KCNG3: variants seen among roughly 807,000 people sequenced by gnomAD.
The protein encoded by KCNG3 is potassium voltage-gated channel modifier subfamily G member 3.
KCNG3 carries 15 observed loss-of-function variants against 29.0 expected under a neutral mutation model. The observed-to-expected ratio is 0.52, with a 90% CI of 0.35 to 0.80. KCNG3 has a LOEUF of 0.80. Among genes scored for constraint, KCNG3 ranks in the 30% least tolerant of loss-of-function variants. KCNG3 has a pLI of 0.01. For synonymous variants in KCNG3, 322 were observed against 248.9 expected (o/e 1.29, Z -2.76); for missense variants, 512 against 605.7 (o/e 0.85, Z 1.62).
At chr2:42,430,409 A>AATAC in the KCNG3 span, among the ~76,000 whole-genome samples, 1 of 142,234 alleles carries the variant, frequency 7.0e-6, no homozygotes, top group Middle Eastern at 3.6e-3. Flanking sequence ...TAAATAAATA[A>AATAC]ATACGCTAAC....
chr2:42,431,310 C>CT, the KCNG3 span, among the ~76,000 whole-genome samples: 10,122 of 147,734 alleles, frequency 0.069, 1,089 homozygotes, highest in African/African-American at 0.24. Context: ...TCTTTGAAAG[C>CT]TTTTTTTTTT....
chr2:42,397,286 T>G, the KCNG3 span, among the ~76,000 whole-genome samples: 2 of 151,802 alleles, frequency 1.3e-5, no homozygotes, highest in African/African-American at 4.8e-5. Flanking sequence ...GAAAAAACTC[T>G]AATCACGGAA....
chr2:42,430,240 C>T, the KCNG3 span, among the ~76,000 whole-genome samples: 3 of 151,370 alleles, frequency 2.0e-5, no homozygotes, highest in Non-Finnish European at 2.9e-5. Flanking sequence ...TCATGGTGCA[C>T]GCCTGCAGTC....
At chr2:42,468,394 G>A (rs941595828) in intron 1 of KCNG3, among the ~76,000 whole-genome samples, 1 of 151,886 alleles carries the variant, frequency 6.6e-6, no homozygotes, top group African/African-American at 2.4e-5. Context: ...CATAAATTAG[G>A]GACAGTCTAT....
the KCNG3 span, among the ~76,000 whole-genome samples, chr2:42,423,542 T>C: frequency 6.6e-6 from 1 of 152,238 alleles, no homozygotes; most frequent in Non-Finnish European, 1.5e-5. Context: ...CTTTGGTACA[T>C]GCTGAACCCT....
the KCNG3 span, among the ~76,000 whole-genome samples, chr2:42,401,104 C>A: frequency 2.0e-5 from 3 of 149,836 alleles, no homozygotes; most frequent in African/African-American, 7.3e-5. Flanking sequence ...ATATTATACA[C>A]TTGTCTATAT....
At chr2:42,434,239 C>G in the KCNG3 span, among the ~76,000 whole-genome samples, 1 of 151,822 alleles carries the variant, frequency 6.6e-6, no homozygotes, top group East Asian at 1.9e-4. Context: ...ATTGCTTGAG[C>G]CCAGGAGTTC....
intron 1 of KCNG3, among the ~76,000 whole-genome samples, chr2:42,452,243 A>ATATAT: frequency 2.1e-4 from 20 of 95,064 alleles, no homozygotes; most frequent in African/African-American, 4.3e-4. Context: ...ATATATATAT[A>ATATAT]TTTTTTTTTT....
chr2:42,466,645 G>A (rs990824805), intron 1 of KCNG3, among the ~76,000 whole-genome samples: 9 of 151,942 alleles, frequency 5.9e-5, no homozygotes, highest in African/African-American at 1.9e-4. Context: ...GTCGTTATGC[G>A]ACACACGACT....
chr2:42,414,465 T>C, the KCNG3 span, among the ~76,000 whole-genome samples: 1 of 152,216 alleles, frequency 6.6e-6, no homozygotes, highest in African/African-American at 2.4e-5. Flanking sequence ...AGATAATCTG[T>C]CTTTACCTCC....
chr2:42,489,614 A>T (rs1317315470), intron 1 of KCNG3, among the ~76,000 whole-genome samples: 5 of 152,214 alleles, frequency 3.3e-5, no homozygotes, highest in Non-Finnish European at 7.3e-5. Context: ...CACTAGGGTG[A>T]TCAGTAAATG....
chr2:42,444,519 G>C lies in KCNG3; in HGVS notation c.726C>G (p.Val242=), dbSNP rs761838194. 1.9e-6 allele frequency: 3 copies of C among 1,614,136 alleles called. No homozygotes were observed. The highest frequency in any genetic ancestry group is 2.2e-5 in the South Asian group (2 of 91,072). The part of the protein sequence containing the change: ...FTAECIVRFI[V]SKNKCEFVKR... ...TGACAAACTCACACTTGTTTTTGGA[G>C]ACAATGAACCTCACGATGCACTCGG... Residue 242 remains valine, a synonymous_variant, in exon 2 of 2, where the codon GTC becomes GTG. Transcript: ENST00000306078. This position sits in a 1 kb window ranked among gnomAD's most constrained non-coding sequence, Gnocchi z 5.8.
Position 42,455,778 on chromosome 2 carries a change from A to ATAAAAAT in KCNG3, c.666-11206_666-11200dup, listed in dbSNP as rs1306612433. Among the ~76,000 whole-genome samples the ATAAAAAT allele has an allele frequency of 2.8e-3, 428 of 152,026 alleles. 13 individuals are homozygous for ATAAAAAT. The East Asian group carries it at 0.065, about 23-fold the overall frequency. ...ACCAAAATCCTGTCTCTTAAAAAAA[A>ATAAAAAT]TAAAAATTAAAAATTAAAAAATTAT... On this transcript the variant is annotated intron_variant, in intron 1 of 1. Transcript: ENST00000306078.
At chr2:42,440,823 G>A (rs1672458186), downstream of KCNG3, among the ~76,000 whole-genome samples, 1 of 152,124 alleles carries the variant, frequency 6.6e-6, no homozygotes, top group Admixed American at 6.6e-5. Flanking sequence ...TTTTGTGTTT[G>A]TAATCCTAAA....
rs879268100 is a variant in KCNG3 at position 42,492,718 on chromosome 2, G to GA, written c.665+118_665+119insT. The stretch of plus-strand genomic sequence containing the variant: ...TAGTTGGCCGCGCCTGGGCCTCGCT[G>GA]GGCGCGCACCCCGCTGGCTCGGTCG... On this transcript the variant is annotated intron_variant, in intron 1 of 1. Coordinates refer to ENST00000306078, the MANE Select transcript of KCNG3 (RefSeq NM_133329.6). The GA allele has an allele frequency of 1.5e-4, 124 of 828,572 alleles. 3 individuals carry two copies. The highest frequency in any genetic ancestry group is 1.7e-4 in the Non-Finnish European group (109 of 660,460). The allele number at this position is 828,572 out of a possible 1,614,324, so 51.3% of individuals were successfully genotyped here. A position where few individuals can be genotyped will look rare whatever the true frequency, so the allele number is the denominator to read the frequency against.
rs758261687 is a variant in KCNG3, at chr2:42,492,909, T to A, written c.593A>T (p.Asn198Ile). Reference sequence around the variant, plus strand: ...CAGGCTGCGGTTGTCGGCGGCTGCGTTGCGCCAGTCGGGCAACGTGCTGGC... The same window carrying A: ...CAGGCTGCGGTTGTCGGCGGCTGCGATGCGCCAGTCGGGCAACGTGCTGGC... ...LCASTLPDWRNAAADNRSLDD... is the reference protein window; with the variant it reads ...LCASTLPDWRIAAADNRSLDD... Residue 198 changes from asparagine to isoleucine, a missense_variant, in exon 1 of 2, where the codon AAC becomes ATC. Asn to Ile is a moderately radical substitution (Grantham distance 149). Around this residue, in one of 5 missense-constraint regions of KCNG3, gnomAD observed 228 missense variants for 200.0 expected, o/e 1.14. Coordinates refer to ENST00000306078, the MANE Select transcript of KCNG3 (RefSeq NM_133329.6). The A allele has an allele frequency of 6.3e-7, 1 of 1,579,588 alleles. No homozygotes were observed. Among genetic ancestry groups the A allele is most frequent in the Non-Finnish European group, 8.6e-7 (1 of 1,167,216 alleles).
the KCNG3 span, among the ~76,000 whole-genome samples, chr2:42,432,846 G>GTT: frequency 6.7e-6 from 1 of 150,190 alleles, no homozygotes; most frequent in African/African-American, 2.4e-5. Flanking sequence ...TCAACAAAAT[G>GTT]TATTTCCTGA....
the KCNG3 span, among the ~76,000 whole-genome samples, chr2:42,408,324 G>A: frequency 4.6e-5 from 7 of 152,182 alleles, no homozygotes; most frequent in Non-Finnish European, 8.8e-5. Context: ...CCGCAGACCA[G>A]AATGGGAACT....
chr2:42,441,800 G>GTATATATAAAATATATACACA (rs1672492228), downstream of KCNG3, among the ~76,000 whole-genome samples: 1 of 12,238 alleles, frequency 8.2e-5, no homozygotes, highest in Non-Finnish European at 2.7e-4. Flanking sequence ...ATAGGTGTGT[G>GTATATATAAAATATATACACA]TGTATATATA....
Sources: allele counts gnomAD v4.1 joint callset (sites outside exome capture counted in the v4.1 genomes callset), GRCh38; gene constraint gnomAD v4.1.1; regional missense constraint gnomAD v4.1.1; non-coding constraint Gnocchi (gnomAD v3.1); transcripts MANE v1.5; gene names NCBI Gene and HGNC (gene_info 2026-07-23, HGNC 2026-07-21).